MCC: variants seen among roughly 807,000 people sequenced by gnomAD.
MCC encodes the protein colorectal mutant cancer protein.
A neutral mutation model predicts 116.2 loss-of-function variants in MCC; 90 were observed. The observed-to-expected ratio is 0.77, with a 90% CI of 0.65 to 0.92. The LOEUF (loss-of-function observed/expected upper bound fraction) is 0.92, where lower values mean the gene tolerates loss of function less well. Ranked by LOEUF, MCC falls within the 40% of genes least tolerant of loss-of-function variation. MCC has a pLI of 0.00. For missense variants in MCC, 1,516 were observed against 1,312.2 expected, an observed-to-expected ratio of 1.16 and a Z score of -2.40; for synonymous variants, 578 against 510.5, an observed-to-expected ratio of 1.13 and a Z score of -1.78.
intron 6 of MCC, among the ~76,000 whole-genome samples, chr5:113,108,918 T>C (rs1756914589): frequency 6.6e-6 from 1 of 152,230 alleles, no homozygotes; most frequent in Non-Finnish European, 1.5e-5. Flanking sequence ...AGTGACCAGT[T>C]GGCACTTGAC....
At chr5:113,337,549 G>A (rs1417477954) in intron 3 of MCC, among the ~76,000 whole-genome samples, 1 of 152,116 alleles carries the variant, frequency 6.6e-6, no homozygotes, top group Non-Finnish European at 1.5e-5. Flanking sequence ...GGTAGTGGCT[G>A]TTCTTCGTAT....
intron 3 of MCC, among the ~76,000 whole-genome samples, chr5:113,262,507 C>T (rs1483910492): frequency 6.6e-6 from 1 of 152,104 alleles, no homozygotes; most frequent in Non-Finnish European, 1.5e-5. Context: ...GTACCAAATA[C>T]CAGCAGTTAT....
At chr5:113,171,750 G>A (rs145229556) in intron 3 of MCC, among the ~76,000 whole-genome samples, 10 of 152,242 alleles carry the variant, frequency 6.6e-5, no homozygotes, top group South Asian at 2.1e-4. Flanking sequence ...CTCCAAGAAC[G>A]GAAGCAGCTG....
chr5:113,376,609 A>G lies in MCC; in HGVS notation c.415+8359T>C, dbSNP rs568823548. ...CACACACACACACACACACACACAT[A>G]TCAGTATTATGTAGCATTATTAAAG... is the stretch of plus-strand genomic sequence containing the variant. On this transcript the variant is annotated intron_variant, in intron 2 of 18. Coordinates refer to ENST00000408903, the MANE Select transcript of MCC (RefSeq NM_001085377.2). Among the ~76,000 whole-genome samples, 8 of 150,968 alleles carry G rather than the reference A, an allele frequency of 5.3e-5. No homozygotes were observed. In the South Asian group the frequency reaches 1.5e-3, roughly 28 times the overall value.
At chr5:113,066,720 A>G (rs1753630783) in intron 13 of MCC, among the ~76,000 whole-genome samples, 1 of 152,222 alleles carries the variant, frequency 6.6e-6, no homozygotes, top group African/African-American at 2.4e-5. Flanking sequence ...GAAGGACAGG[A>G]AGGTGCATTC....
intron 2 of MCC, among the ~76,000 whole-genome samples, chr5:113,346,290 T>C (rs973275481): frequency 1.3e-5 from 2 of 151,774 alleles, no homozygotes; most frequent in Admixed American, 6.6e-5. Context: ...GAGACAGAGA[T>C]AGGGGTAGAA....
intron 3 of MCC, among the ~76,000 whole-genome samples, chr5:113,198,922 CA>C (rs564653079): frequency 1.2e-3 from 189 of 152,106 alleles, no homozygotes; most frequent in African/African-American, 4.3e-3. Flanking sequence ...ATCAATAGGC[CA>C]GGGGCAGTGG....
chr5:113,398,532 C>T (rs1391267810), intron 1 of MCC, among the ~76,000 whole-genome samples: 1 of 152,190 alleles, frequency 6.6e-6, no homozygotes, highest in African/African-American at 2.4e-5. Context: ...TTTGCAGCAA[C>T]ATGAATGTAG....
intron 10 of MCC, 107 bp downstream of exon 10, chr5:113,083,970 CAGGTATGATTTACTATTATAACTA>C: frequency 3.0e-6 from 2 of 664,284 alleles, no homozygotes; most frequent in South Asian, 4.2e-5. Flanking sequence ...GGAAGGAAAT[CAGGTATGATTTACTATTATAACTA>C]ACTGGTTTAT....
intron 5 of MCC, among the ~76,000 whole-genome samples, chr5:113,124,369 A>AT (rs1385837861): frequency 5.9e-5 from 9 of 152,188 alleles, no homozygotes; most frequent in African/African-American, 2.2e-4. Context: ...TAAAATTCTG[A>AT]TTTTAGTTAA....
chr5:113,298,500 G>C (rs995289506), intron 3 of MCC, among the ~76,000 whole-genome samples: 1 of 152,204 alleles, frequency 6.6e-6, no homozygotes, highest in African/African-American at 2.4e-5. Flanking sequence ...AAATTTGATG[G>C]TGACAGGAAA....
intron 1 of MCC, among the ~76,000 whole-genome samples, chr5:113,421,985 A>G (rs1770349348): frequency 6.6e-6 from 1 of 152,202 alleles, no homozygotes; most frequent in African/African-American, 2.4e-5. Context: ...TGTTTTTGCC[A>G]CTTTTTCAGC....
At chr5:113,051,063 T>C (rs987159210) in intron 15 of MCC, among the ~76,000 whole-genome samples, 2 of 152,240 alleles carry the variant, frequency 1.3e-5, no homozygotes, top group African/African-American at 4.8e-5. Flanking sequence ...GCTTGTGTCA[T>C]GTGTAGGTGT....
intron 3 of MCC, among the ~76,000 whole-genome samples, chr5:113,266,841 A>G (rs896829186): frequency 6.6e-6 from 1 of 152,212 alleles, no homozygotes; most frequent in Non-Finnish European, 1.5e-5. Context: ...AAAAACCTAT[A>G]AAAGATTAGG....
At chr5:113,086,306 G>GCGGGGTGAGAGTC (rs1554115965) in intron 8 of MCC, among the ~76,000 whole-genome samples, 3 of 151,540 alleles carry the variant, frequency 2.0e-5, no homozygotes, top group Admixed American at 6.6e-5. Flanking sequence ...TGATATGCCT[G>GCGGGGTGAGAGTC]GGGGGTTGAA....
chr5:113,261,631 T>A (rs894551098), intron 3 of MCC, among the ~76,000 whole-genome samples: 4 of 152,182 alleles, frequency 2.6e-5, no homozygotes, highest in Admixed American at 2.6e-4. Flanking sequence ...TTATCATATT[T>A]AAGTTAGATT....
At chr5:113,441,127 G>A (rs1189001240) in intron 1 of MCC, among the ~76,000 whole-genome samples, 11 of 152,188 alleles carry the variant, frequency 7.2e-5, no homozygotes, top group Non-Finnish European at 1.6e-4. Flanking sequence ...TTAAGGTCAT[G>A]AGTTTGAGAC....
chr5:113,312,351 G>A (rs753656599), intron 3 of MCC, among the ~76,000 whole-genome samples: 1 of 152,136 alleles, frequency 6.6e-6, no homozygotes, highest in Non-Finnish European at 1.5e-5. Context: ...ACATATAACA[G>A]AGTTCACATA....
chr5:113,040,954 A>G (rs1384779594), intron 17 of MCC, among the ~76,000 whole-genome samples: 1 of 152,230 alleles, frequency 6.6e-6, no homozygotes, highest in African/African-American at 2.4e-5. Flanking sequence ...TAGCTTACAG[A>G]TACAATATCC....
Sources: gnomAD v4.1 joint callset for allele counts (sites outside exome capture counted in the v4.1 genomes callset) on GRCh38, gnomAD v4.1.1 for gene constraint, MANE v1.5 for transcripts, NCBI Gene and HGNC (gene_info 2026-07-23, HGNC 2026-07-21) for gene names.